Variants in MACROD2 observed in about 807,000 individuals in gnomAD.
MACROD2 encodes ADP-ribose glycohydrolase MACROD2.
Under a neutral mutation model 70.4 loss-of-function variants are expected in MACROD2, and 36 were observed. The ratio of observed to expected loss-of-function variants is 0.51; its 90% CI spans 0.39 to 0.68. The LOEUF is 0.68. MACROD2 is among the 30% of genes least tolerant of loss of function. MACROD2 has a pLI of 0.00. For synonymous variants in MACROD2, 172 were observed against 178.8 expected (o/e 0.96, Z 0.30); for missense variants, 496 against 538.4 (o/e 0.92, Z 0.78).
At chr20:14,050,542 A>G (rs1405944987) in intron 2 of MACROD2, among the ~76,000 whole-genome samples, 5 of 152,124 alleles carry the variant, frequency 3.3e-5, no homozygotes. Context: ...GGCCAGTTAG[A>G]TAGTTCTGGA....
At chr20:15,340,199 C>A (rs1284829669) in intron 6 of MACROD2, among the ~76,000 whole-genome samples, 1 of 123,076 alleles carries the variant, frequency 8.1e-6, no homozygotes, top group Admixed American at 1.1e-4. Context: ...AGTGCAGTGG[C>A]ATGATCTCGG....
intron 8 of MACROD2, among the ~76,000 whole-genome samples, chr20:15,860,200 CACAA>C (rs1200991431): frequency 6.6e-6 from 1 of 152,088 alleles, no homozygotes; most frequent in African/African-American, 2.4e-5. Context: ...ACCCCCCATA[CACAA>C]ACACACACTC....
At chr20:15,898,199 C>T (rs574310626) in intron 10 of MACROD2, among the ~76,000 whole-genome samples, 17 of 152,226 alleles carry the variant, frequency 1.1e-4, no homozygotes, top group African/African-American at 3.6e-4. Context: ...ATGCCTCACA[C>T]GTGTGGCTCA....
At chr20:14,813,341 C>A (rs916897175) in intron 5 of MACROD2, among the ~76,000 whole-genome samples, 36 of 149,976 alleles carry the variant, frequency 2.4e-4, no homozygotes, top group African/African-American at 8.6e-4. Context: ...ATGCTCTCCC[C>A]CTTCCTCTGC....
chr20:15,505,310 T>C (rs2047412359), intron 8 of MACROD2, among the ~76,000 whole-genome samples: 1 of 152,148 alleles, frequency 6.6e-6, no homozygotes. Context: ...GCTTCTAAGA[T>C]GACGATTCTG....
intron 5 of MACROD2, among the ~76,000 whole-genome samples, chr20:15,197,709 A>G (rs1314135295): frequency 6.6e-6 from 1 of 151,710 alleles, no homozygotes; most frequent in Non-Finnish European, 1.5e-5. Context: ...ATTTTACTTT[A>G]TTTTTGAGAC....
chr20:15,562,306 T>C (rs1207826059), intron 8 of MACROD2, among the ~76,000 whole-genome samples: 1 of 152,148 alleles, frequency 6.6e-6, no homozygotes, highest in African/African-American at 2.4e-5. Context: ...ATGTGGGGCC[T>C]TCATATAAGT....
At chr20:15,177,706 GAAAGACAGA>G (rs1601182281) in intron 5 of MACROD2, among the ~76,000 whole-genome samples, 1 of 152,084 alleles carries the variant, frequency 6.6e-6, no homozygotes, top group East Asian at 1.9e-4. Flanking sequence ...TCCTTTTCTG[GAAAGACAGA>G]AAGAACAGAA....
intron 3 of MACROD2, among the ~76,000 whole-genome samples, chr20:14,418,190 G>C (rs914530513): frequency 6.6e-6 from 1 of 152,154 alleles, no homozygotes; most frequent in African/African-American, 2.4e-5. Flanking sequence ...TTCCTTTACA[G>C]CTGGATTAAA....
At chr20:15,720,801 G>C (rs111633242) in intron 8 of MACROD2, among the ~76,000 whole-genome samples, 14 of 152,284 alleles carry the variant, frequency 9.2e-5, no homozygotes, top group African/African-American at 3.1e-4. Flanking sequence ...GGATGATTAA[G>C]ACATATAAAG....
chr20:15,413,498 G>A (rs992406335), intron 6 of MACROD2, among the ~76,000 whole-genome samples: 3 of 152,172 alleles, frequency 2.0e-5, no homozygotes, highest in Admixed American at 2.0e-4. Context: ...AGTGGAGGTA[G>A]AGATAGTAGA....
intron 5 of MACROD2, among the ~76,000 whole-genome samples, chr20:15,161,701 G>A (rs1231758984): frequency 2.0e-5 from 3 of 151,878 alleles, no homozygotes; most frequent in African/African-American, 7.2e-5. Context: ...AAGAGACAAA[G>A]GTATATTCAA....
chr20:15,266,618 C>T (rs2077296993), intron 6 of MACROD2, among the ~76,000 whole-genome samples: 1 of 152,218 alleles, frequency 6.6e-6, no homozygotes, highest in Non-Finnish European at 1.5e-5. Flanking sequence ...CTAAACCATT[C>T]TCTGAACCAC....
At chr20:15,146,953 G>A (rs443742) in intron 5 of MACROD2, among the ~76,000 whole-genome samples, 59,265 of 151,862 alleles carry the variant, frequency 0.39, 12,617 homozygotes, top group East Asian at 0.64. Flanking sequence ...CAATCATTGA[G>A]GCCCCATTTT....
At chr20:15,207,436 G>GTTTTTTTTTTTTTT (rs548522491) in intron 5 of MACROD2, among the ~76,000 whole-genome samples, 7 of 84,588 alleles carry the variant, frequency 8.3e-5, no homozygotes, top group Admixed American at 1.4e-4. Flanking sequence ...TTTGTTTCTG[G>GTTTTTTTTTTTTTT]TTTTTTTTTT....
At chr20:15,066,944 A>T (rs1401362100) in intron 5 of MACROD2, among the ~76,000 whole-genome samples, 1 of 152,038 alleles carries the variant, frequency 6.6e-6, no homozygotes, top group Non-Finnish European at 1.5e-5. Flanking sequence ...TCTAAGTTTT[A>T]AATTCGTGCA....
chr20:15,903,305 G>GT (rs2065093963), intron 10 of MACROD2, among the ~76,000 whole-genome samples: 1 of 152,198 alleles, frequency 6.6e-6, no homozygotes. Flanking sequence ...TCGTGGCAGA[G>GT]TGAGACTGTC....
At chr20:15,244,639 T>G (rs914627281) in intron 6 of MACROD2, among the ~76,000 whole-genome samples, 3 of 152,228 alleles carry the variant, frequency 2.0e-5, no homozygotes, top group African/African-American at 7.2e-5. Flanking sequence ...CCAAAAGGCA[T>G]AGTATTCCTA....
At chr20:14,941,838 T>C (rs2074392659) in intron 5 of MACROD2, among the ~76,000 whole-genome samples, 1 of 151,846 alleles carries the variant, frequency 6.6e-6, no homozygotes, top group Non-Finnish European at 1.5e-5. Flanking sequence ...GGCTGGAATG[T>C]AGTGGTGCGA....
Sources: allele counts gnomAD v4.1 joint callset (sites outside exome capture counted in the v4.1 genomes callset), GRCh38; gene constraint gnomAD v4.1.1; transcripts MANE v1.5; gene names NCBI Gene and HGNC (gene_info 2026-07-23, HGNC 2026-07-21).